The following UBE3C variants were observed in gnomAD, a reference collection of about 807,000 sequenced individuals.
UBE3C encodes ubiquitin-protein ligase E3C.
In UBE3C, 42 loss-of-function variants were observed where a neutral mutation model predicts 129.4. That is an observed-to-expected ratio of 0.32 (90% CI 0.25 to 0.42). The LOEUF is 0.42. Ranked by LOEUF, UBE3C falls within the 10% of genes least tolerant of loss-of-function variation. The pLI is 1.00. For synonymous variants in UBE3C, 510 were observed against 492.4 expected, an observed-to-expected ratio of 1.04 and a Z score of -0.47; for missense variants, 1,049 against 1,319.1, an observed-to-expected ratio of 0.80 and a Z score of 3.17.
chr7:157,200,425 CCAAT>C (rs1809248850), intron 10 of UBE3C, among the ~76,000 whole-genome samples: 1 of 152,074 alleles, frequency 6.6e-6, no homozygotes, highest in African/African-American at 2.4e-5. Context: ...AATTACTCGA[CCAAT>C]CAAATATGAG....
intron 10 of UBE3C, 32 bp from the exon 11 acceptor site, chr7:157,201,689 C>G: frequency 2.2e-6 from 1 of 459,826 alleles, no homozygotes; most frequent in East Asian, 7.4e-5. Context: ...AATTGCTTTA[C>G]TGTTCTGTGT....
In UBE3C at chr7:157,152,671, C is replaced by G. The variant is rs140140679; in HGVS notation, c.67-11139C>G. ...AAGGCCTGGAGTCCAAATAATTTAG[C>G]AAAACCCCCAACACTGCCCTGTGGT... On this transcript the variant is annotated intron_variant, in intron 1 of 22. Coordinates refer to ENST00000348165, the MANE Select transcript of UBE3C (RefSeq NM_014671.3). Among the ~76,000 whole-genome samples, 99 of 152,240 alleles carry G rather than the reference C, an allele frequency of 6.5e-4. No homozygotes were observed. In the East Asian group the frequency reaches 9.7e-3, roughly 15 times the overall value.
intron 18 of UBE3C, among the ~76,000 whole-genome samples, chr7:157,243,138 TAGGAC>T (rs1240916606): frequency 6.6e-6 from 1 of 151,844 alleles, no homozygotes; most frequent in African/African-American, 2.4e-5. Flanking sequence ...ATGAGGAAAA[TAGGAC>T]AGGAGATGTG....
At chr7:157,141,716 C>G (rs576834924) in intron 1 of UBE3C, among the ~76,000 whole-genome samples, 16 of 152,296 alleles carry the variant, frequency 1.1e-4, no homozygotes, top group Non-Finnish European at 7.4e-5. Context: ...TCCTTCTGAC[C>G]TCCATTACTG....
intron 10 of UBE3C, among the ~76,000 whole-genome samples, chr7:157,193,881 A>G (rs1809043810): frequency 6.6e-6 from 1 of 152,206 alleles, no homozygotes; most frequent in African/African-American, 2.4e-5. Context: ...CACACATGAA[A>G]TACTGTTCAT....
intron 2 of UBE3C, among the ~76,000 whole-genome samples, chr7:157,164,256 C>T (rs980711781): frequency 2.6e-5 from 4 of 152,024 alleles, no homozygotes; most frequent in African/African-American, 9.7e-5. Context: ...ACCTCCTGGG[C>T]TCGGTGATCT....
intron 2 of UBE3C, among the ~76,000 whole-genome samples, chr7:157,165,724 G>A (rs544007393): frequency 1.8e-4 from 27 of 152,096 alleles, no homozygotes; most frequent in African/African-American, 3.9e-4. Context: ...CATTGACTTC[G>A]TAATTTCAGT....
chr7:157,163,749 G>A, intron 1 of UBE3C, 61 bp from the exon 2 acceptor site: 2 of 1,552,262 alleles, frequency 1.3e-6, no homozygotes, highest in Non-Finnish European at 8.8e-7. Context: ...TGTAATTTTT[G>A]TATGGGAGTT....
chr7:157,192,863 T>TAA (rs35549618), intron 10 of UBE3C: 858 of 746,734 alleles, frequency 1.1e-3, no homozygotes, highest in South Asian at 1.7e-3. Flanking sequence ...GACATGAACT[T>TAA]AAAAAAAAAA....
At position 157,177,946 on chromosome 7, in the gene UBE3C, A is replaced by T. The variant is rs539818624; in HGVS notation, c.459-744A>T. Among the ~76,000 whole-genome samples the T allele has an allele frequency of 2.7e-3, 383 of 143,528 alleles. 5 individuals are homozygous for T. Among genetic ancestry groups the T allele is most frequent in the African/African-American group, 0.01 (374 of 36,184 alleles). 94.2% of individuals were successfully genotyped at this position (143,528 alleles called of 152,430 possible). On this transcript the variant is annotated intron_variant, in intron 5 of 22. Transcript: ENST00000348165. ...TGGATTCTGTTTTTTTTTTTTTTTA[A>T]GAAAAAGGAAAAACAGCTGTAAAAT...
chr7:157,170,503 T>C (rs752567215), intron 4 of UBE3C, 53 bp downstream of exon 4: 8 of 1,426,756 alleles, frequency 5.6e-6, no homozygotes, highest in African/African-American at 4.4e-5. Context: ...TTCTGCTTTT[T>C]TGTTTAAAGT....
intron 10 of UBE3C, among the ~76,000 whole-genome samples, chr7:157,189,925 C>T (rs1386811837): frequency 1.3e-5 from 2 of 151,798 alleles, no homozygotes; most frequent in African/African-American, 2.4e-5. Flanking sequence ...TTCAGCCTCC[C>T]GAGTAGCTGA....
intron 22 of UBE3C, among the ~76,000 whole-genome samples, chr7:157,264,239 AC>A: frequency 1.1e-5 from 1 of 93,378 alleles, no homozygotes; most frequent in Non-Finnish European, 2.2e-5. Flanking sequence ...TCGGCCTGTT[AC>A]ACACACACAC....
chr7:157,182,317 A>C lies in UBE3C; in HGVS notation c.980A>C (p.Glu327Ala). 6.2e-7 allele frequency: 1 copy of C among 1,613,244 alleles called. No individual in the cohort carries two copies. Among genetic ancestry groups the C allele is most frequent in the Non-Finnish European group, 8.5e-7 (1 of 1,179,838 alleles). ...WLFYFVLTVG[E>A]NYLGALSEEG... The stretch of plus-strand genomic sequence containing the variant: ...TTCTATTTCGTTTTAACTGTTGGCG[A>C]AAATTATTTGGGTATGAAATACAAG... Residue 327 changes from glutamate to alanine, a missense_variant, in exon 8 of 23, where the codon GAA becomes GCA. Physicochemically the swap from Glu to Ala is moderately radical, Grantham distance 107. This residue lies in a region of UBE3C where 489 missense variants were observed against 513.8 expected (regional missense o/e 0.95). Transcript: ENST00000348165.
intron 19 of UBE3C, among the ~76,000 whole-genome samples, chr7:157,250,243 TTTCA>T (rs1022130535): frequency 1.3e-4 from 20 of 152,116 alleles, no homozygotes; most frequent in African/African-American, 4.1e-4. Flanking sequence ...TGAGACGGGG[TTTCA>T]CTCTGTCACC....
At position 157,182,146 on chromosome 7, in the gene UBE3C, C is replaced by G. The variant is rs760754064; in HGVS notation, c.809C>G (p.Ala270Gly). 1 of 1,599,134 alleles carries G rather than the reference C, an allele frequency of 6.3e-7. No homozygotes were observed. The highest frequency in any genetic ancestry group is 1.1e-5 in the South Asian group (1 of 87,146). The change falls in exon 8 of 23, where the codon GCA becomes GGA. Residue 270 changes from alanine (A) to glycine (G), a missense_variant. Physicochemically the swap from Ala to Gly is moderately conservative, Grantham distance 60 (BLOSUM62 0). Around this residue, in one of 4 missense-constraint regions of UBE3C, gnomAD observed 489 missense variants for 513.8 expected, o/e 0.95. Transcript: ENST00000348165. ...ACAGCCTTCACAGAGGAGTTTCTGGCAGCACCTTTTACAGATCAGATTTTT... is the reference window on the plus strand; with the variant it reads ...ACAGCCTTCACAGAGGAGTTTCTGGGAGCACCTTTTACAGATCAGATTTTT... ...VFTAFTEEFL[A>G]APFTDQIFHF... is the part of the protein sequence containing the mutation.
intron 13 of UBE3C, among the ~76,000 whole-genome samples, chr7:157,215,544 GTA>G (rs1436202790): frequency 6.8e-6 from 1 of 146,092 alleles, no homozygotes; most frequent in African/African-American, 2.5e-5. Flanking sequence ...ATATAAATTA[GTA>G]TATATATAAT....
intron 14 of UBE3C, among the ~76,000 whole-genome samples, chr7:157,217,728 T>A (rs540135057): frequency 6.6e-6 from 1 of 152,118 alleles, no homozygotes; most frequent in African/African-American, 2.4e-5. Flanking sequence ...TCCCAGCTAC[T>A]CGGGAGGCTA....
At chr7:157,229,964 A>G (rs1795979694) in intron 17 of UBE3C, among the ~76,000 whole-genome samples, 2 of 151,630 alleles carry the variant, frequency 1.3e-5, no homozygotes, top group South Asian at 4.2e-4. Flanking sequence ...GTTGGGATGC[A>G]GTGGCACGAT....
Sources: allele counts gnomAD v4.1 joint callset (sites outside exome capture counted in the v4.1 genomes callset), GRCh38; gene constraint gnomAD v4.1.1; regional missense constraint gnomAD v4.1.1; transcripts MANE v1.5; gene names NCBI Gene and HGNC (gene_info 2026-07-23, HGNC 2026-07-21).